The following SLIT3 variants were observed in gnomAD, a reference collection of about 807,000 sequenced individuals.
SLIT3 encodes the protein slit guidance ligand 3.
Under a neutral mutation model 184.0 loss-of-function variants are expected in SLIT3, and 68 were observed. The ratio of observed to expected loss-of-function variants is 0.37; its 90% confidence interval spans 0.30 to 0.45. The LOEUF is 0.45. Among genes scored for constraint, SLIT3 ranks in the 20% least tolerant of loss-of-function variants. The pLI, the probability that SLIT3 is intolerant of heterozygous loss-of-function variation, is 1.00. For synonymous variants in SLIT3, 831 were observed against 828.6 expected, an observed-to-expected ratio of 1.00 and a Z score of -0.05; for missense variants, 1,707 against 2,026.0, an observed-to-expected ratio of 0.84 and a Z score of 3.02.
intron 4 of SLIT3, among the ~76,000 whole-genome samples, chr5:169,004,097 G>A (rs972952740): frequency 1.6e-4 from 25 of 152,116 alleles, no homozygotes; most frequent in Admixed American, 1.6e-3. Context: ...TTTTCTTCAT[G>A]GGTGCTGTTC....
intron 4 of SLIT3, among the ~76,000 whole-genome samples, chr5:169,173,985 A>G (rs1762893747): frequency 6.6e-6 from 1 of 152,190 alleles, no homozygotes; most frequent in African/African-American, 2.4e-5. Context: ...GCCAGGCCCA[A>G]CAGAAGTCCT....
intron 4 of SLIT3, among the ~76,000 whole-genome samples, chr5:169,139,149 T>TG (rs1350399378): frequency 6.6e-6 from 1 of 152,162 alleles, no homozygotes; most frequent in African/African-American, 2.4e-5. Context: ...GCACCAGCCT[T>TG]GGGGGTAAGA....
chr5:168,887,734 A>G (rs1486883291), intron 4 of SLIT3, among the ~76,000 whole-genome samples: 2 of 152,102 alleles, frequency 1.3e-5, no homozygotes, highest in Non-Finnish European at 2.9e-5. Context: ...ATTAGACTAC[A>G]GCTTGTAGTG....
chr5:168,804,788 G>A (rs10071604), intron 9 of SLIT3, among the ~76,000 whole-genome samples: 15,562 of 152,164 alleles, frequency 0.1, 1,064 homozygotes, highest in African/African-American at 0.19. Context: ...GTGGTAAGTC[G>A]TATGCTTCTT....
intron 6 of SLIT3, among the ~76,000 whole-genome samples, chr5:168,841,844 T>C (rs1405849309): frequency 6.6e-6 from 1 of 152,222 alleles, no homozygotes; most frequent in Admixed American, 6.5e-5. Context: ...TTCTACTTCA[T>C]GCTGCCTAAT....
chr5:168,690,861 A>G (rs1214292228), intron 29 of SLIT3, among the ~76,000 whole-genome samples: 2 of 152,310 alleles, frequency 1.3e-5, no homozygotes, highest in East Asian at 3.9e-4. Context: ...ATGTGAAAAT[A>G]GAAAAGGAAG....
chr5:169,267,807 T>C (rs1766453229), intron 1 of SLIT3, among the ~76,000 whole-genome samples: 1 of 152,218 alleles, frequency 6.6e-6, no homozygotes, highest in Non-Finnish European at 1.5e-5. Context: ...GAGACCTTCT[T>C]CCTGTCCACT....
At chr5:169,152,414 A>G (rs1233681010) in intron 4 of SLIT3, among the ~76,000 whole-genome samples, 5 of 152,198 alleles carry the variant, frequency 3.3e-5, no homozygotes, top group Non-Finnish European at 5.9e-5. Context: ...CAGGCTGAGT[A>G]TTAAGAAACT....
intron 5 of SLIT3, among the ~76,000 whole-genome samples, chr5:168,876,154 C>T (rs1759722509): frequency 6.6e-6 from 1 of 152,106 alleles, no homozygotes; most frequent in Admixed American, 6.5e-5. Flanking sequence ...GCACTCAGTT[C>T]CCCCACCCAG....
chr5:168,986,397 T>C (rs1181854317), intron 4 of SLIT3, among the ~76,000 whole-genome samples: 1 of 152,116 alleles, frequency 6.6e-6, no homozygotes, highest in Non-Finnish European at 1.5e-5. Flanking sequence ...CCTTCTTACA[T>C]GGCCTCCATA....
chr5:168,965,885 T>C (rs977993744), intron 4 of SLIT3, among the ~76,000 whole-genome samples: 3 of 152,210 alleles, frequency 2.0e-5, no homozygotes, highest in Non-Finnish European at 2.9e-5. Flanking sequence ...TACTTCATCC[T>C]ACCCTGTTTA....
intron 4 of SLIT3, among the ~76,000 whole-genome samples, chr5:168,981,327 G>C (rs1455152800): frequency 6.6e-6 from 1 of 152,126 alleles, no homozygotes; most frequent in Admixed American, 6.5e-5. Flanking sequence ...TGGGGGTAGG[G>C]GAGAAAGAGG....
intron 4 of SLIT3, among the ~76,000 whole-genome samples, chr5:168,974,644 T>C (rs1211768934): frequency 2.6e-5 from 4 of 152,172 alleles, no homozygotes; most frequent in African/African-American, 9.7e-5. Context: ...TCTGGAATCA[T>C]CTTGAGAGAA....
At chr5:168,756,440 G>A (rs1044610248) in intron 16 of SLIT3, among the ~76,000 whole-genome samples, 1 of 152,194 alleles carries the variant, frequency 6.6e-6, no homozygotes, top group Non-Finnish European at 1.5e-5. Flanking sequence ...CGGTGCCTTG[G>A]TTCCCTCCTT....
intron 4 of SLIT3, among the ~76,000 whole-genome samples, chr5:169,157,101 T>G (rs1461401769): frequency 6.6e-6 from 1 of 152,166 alleles, no homozygotes; most frequent in Non-Finnish European, 1.5e-5. Flanking sequence ...AAGTCCCTGC[T>G]GGAGTAGTAT....
chr5:168,775,528 A>ACC (rs200829098), intron 12 of SLIT3, among the ~76,000 whole-genome samples: 3 of 145,482 alleles, frequency 2.1e-5, no homozygotes, highest in African/African-American at 8.0e-5. Context: ...CGTCTCTCAC[A>ACC]CCCCCGTTTA....
At chr5:168,806,359 C>T (rs1314334769) in intron 9 of SLIT3, 87 bp downstream of exon 9, 58 of 1,445,744 alleles carry the variant, frequency 4.0e-5, no homozygotes, top group Non-Finnish European at 4.9e-5. Flanking sequence ...CAGCCCCACA[C>T]GCTGATGGCC....
chr5:169,056,601 A>G (rs868360331), intron 4 of SLIT3, among the ~76,000 whole-genome samples: 1 of 152,190 alleles, frequency 6.6e-6, no homozygotes, highest in Non-Finnish European at 1.5e-5. Flanking sequence ...TCTCTTAAAA[A>G]AAAAAAAAGA....
intron 4 of SLIT3, among the ~76,000 whole-genome samples, chr5:169,044,887 G>A (rs1407956627): frequency 3.3e-5 from 5 of 152,168 alleles, no homozygotes; most frequent in African/African-American, 1.2e-4. Context: ...GAAGGATAGT[G>A]CTTATTGCTG....
Sources: allele counts gnomAD v4.1 joint callset (sites outside exome capture counted in the v4.1 genomes callset), GRCh38; gene constraint gnomAD v4.1.1; transcripts MANE v1.5; gene names NCBI Gene and HGNC (gene_info 2026-07-23, HGNC 2026-07-21).